AGPS: variants seen among roughly 807,000 people sequenced by gnomAD.
AGPS encodes alkyldihydroxyacetonephosphate synthase, peroxisomal.
A neutral mutation model predicts 90.7 loss-of-function variants in AGPS; 26 were observed. The ratio of observed to expected loss-of-function variants is 0.29; its 90% CI spans 0.21 to 0.40. The LOEUF is 0.40. AGPS is among the 10% of genes least tolerant of loss of function. The pLI, the probability that AGPS is intolerant of heterozygous loss-of-function variation, is 1.00. For missense variants in AGPS, 540 were observed against 816.1 expected, an observed-to-expected ratio of 0.66 and a Z score of 4.12; for synonymous variants, 294 against 285.3, an observed-to-expected ratio of 1.03 and a Z score of -0.31.
intron 17 of AGPS, 88 bp from the exon 18 acceptor site, chr2:177,521,180 AT>A: frequency 1.8e-6 from 2 of 1,093,724 alleles, no homozygotes. Flanking sequence ...TAAACTAATC[AT>A]TTGGGTCGTC....
intron 12 of AGPS, among the ~76,000 whole-genome samples, chr2:177,495,464 A>G (rs1574009527): frequency 6.6e-6 from 1 of 152,240 alleles, no homozygotes; most frequent in African/African-American, 2.4e-5. Flanking sequence ...TACAAAGCCC[A>G]GGAGTTTTTG....
chr2:177,507,568 G>A (rs1235346131), intron 15 of AGPS, among the ~76,000 whole-genome samples: 2 of 152,048 alleles, frequency 1.3e-5, no homozygotes, highest in South Asian at 2.1e-4. Context: ...CTCACTTCTT[G>A]ATCTTCCTAC....
In AGPS at chr2:177,393,452, C is replaced by A. The variant is rs112489893; in HGVS notation, c.260+403C>A. 1,545 of 985,302 alleles carry A rather than the reference C, an allele frequency of 1.6e-3. 19 individuals are homozygous for A. In the African/African-American group the frequency reaches 0.02, roughly 13 times the overall value. 61.0% of individuals were successfully genotyped at this position (985,302 alleles called of 1,614,324 possible). A position where few individuals can be genotyped will look rare whatever the true frequency, so the allele number is the denominator to read the frequency against. ...TATAAATTTGTACTAGATGATAGAT[C>A]ATAGGAATCTCTCTCATTCGCGAAA... On this transcript the variant is annotated intron_variant, in intron 1 of 19. Transcript: ENST00000264167.
At chr2:177,396,211 A>G (rs1277594284) in intron 1 of AGPS, among the ~76,000 whole-genome samples, 1 of 152,248 alleles carries the variant, frequency 6.6e-6, no homozygotes, top group Non-Finnish European at 1.5e-5. Flanking sequence ...GAAAGTGCAT[A>G]TCGTATTTAC....
chr2:177,443,650 G>A (rs1686680260), intron 7 of AGPS, among the ~76,000 whole-genome samples: 1 of 152,194 alleles, frequency 6.6e-6, no homozygotes, highest in Non-Finnish European at 1.5e-5. Flanking sequence ...CTCACTTTTA[G>A]TGATGCTAAA....
intron 1 of AGPS, among the ~76,000 whole-genome samples, chr2:177,415,367 T>A (rs1405609369): frequency 6.6e-6 from 1 of 152,222 alleles, no homozygotes; most frequent in Non-Finnish European, 1.5e-5. Flanking sequence ...TACTACATGA[T>A]TGCTCTGTGG....
intron 14 of AGPS, among the ~76,000 whole-genome samples, chr2:177,502,557 C>T (rs1286064770): frequency 3.3e-5 from 5 of 151,732 alleles, no homozygotes. Flanking sequence ...GCTGGGACTA[C>T]AGGTGCACGT....
At chr2:177,420,008 C>T (rs761270645) in intron 1 of AGPS, among the ~76,000 whole-genome samples, 8 of 151,718 alleles carry the variant, frequency 5.3e-5, no homozygotes, top group African/African-American at 1.4e-4. Flanking sequence ...TTCCTTTTTG[C>T]AACTTTTTAT....
chr2:177,450,416 G>A (rs1245393748), intron 8 of AGPS, among the ~76,000 whole-genome samples: 1 of 152,012 alleles, frequency 6.6e-6, no homozygotes, highest in African/African-American at 2.4e-5. Flanking sequence ...ATAATTTTTA[G>A]TCTTAGATTT....
At chr2:177,421,643 G>A (rs575185930) in intron 2 of AGPS, among the ~76,000 whole-genome samples, 42 of 152,160 alleles carry the variant, frequency 2.8e-4, no homozygotes, top group Admixed American at 5.9e-4. Context: ...GAGAAATTGT[G>A]TAATTCAGGT....
intron 15 of AGPS, 136 bp from the exon 16 acceptor site, chr2:177,507,834 T>A (rs1002935776): frequency 4.2e-6 from 3 of 715,068 alleles, no homozygotes; most frequent in East Asian, 5.5e-5. Context: ...AGTGCTCTTA[T>A]GAGGTGGATA....
intron 8 of AGPS, among the ~76,000 whole-genome samples, chr2:177,453,690 AT>A (rs11401105): frequency 4.5e-4 from 41 of 90,514 alleles, no homozygotes; most frequent in Admixed American, 3.1e-3. Context: ...ATCAGTAGTA[AT>A]TTTTTTTTTT....
intron 9 of AGPS, among the ~76,000 whole-genome samples, chr2:177,462,439 C>CAT (rs1410328503): frequency 5.3e-5 from 8 of 151,488 alleles, no homozygotes; most frequent in Non-Finnish European, 8.8e-5. Flanking sequence ...GTAGATTCCC[C>CAT]CCTCCCATAA....
At chr2:177,447,032 G>A (rs1405355668) in intron 8 of AGPS, among the ~76,000 whole-genome samples, 3 of 152,074 alleles carry the variant, frequency 2.0e-5, no homozygotes, top group Non-Finnish European at 4.4e-5. Flanking sequence ...TCAAGATAAC[G>A]ATAACTCAGC....
chr2:177,500,846 A>G (rs1367468397), intron 14 of AGPS, among the ~76,000 whole-genome samples: 1 of 152,184 alleles, frequency 6.6e-6, no homozygotes, highest in Admixed American at 6.5e-5. Context: ...TAATTGTGCT[A>G]TAAAATCCAT....
chr2:177,532,400 G>A (rs931618079), intron 19 of AGPS, among the ~76,000 whole-genome samples: 2 of 152,074 alleles, frequency 1.3e-5, no homozygotes, highest in Non-Finnish European at 2.9e-5. Context: ...GAAAATTAAA[G>A]CCACAGGAGA....
intron 14 of AGPS, among the ~76,000 whole-genome samples, chr2:177,502,601 G>A (rs1249705598): frequency 2.0e-5 from 3 of 151,468 alleles, no homozygotes; most frequent in Non-Finnish European, 2.9e-5. Context: ...GTGTATGTGT[G>A]TGTGTGTTTT....
At chr2:177,404,024 T>C (rs1685401257) in intron 1 of AGPS, among the ~76,000 whole-genome samples, 1 of 152,174 alleles carries the variant, frequency 6.6e-6, no homozygotes, top group Non-Finnish European at 1.5e-5. Flanking sequence ...TCATTGGGCG[T>C]GGACAGAAAT....
chr2:177,452,125 C>T (rs1686970116), intron 8 of AGPS, among the ~76,000 whole-genome samples: 1 of 152,064 alleles, frequency 6.6e-6, no homozygotes, highest in South Asian at 2.1e-4. Flanking sequence ...TTAAAATGTT[C>T]CATGTGCACT....
Sources: gnomAD v4.1 joint callset for allele counts (sites outside exome capture counted in the v4.1 genomes callset) on GRCh38, gnomAD v4.1.1 for gene constraint, MANE v1.5 for transcripts, NCBI Gene and HGNC (gene_info 2026-07-23, HGNC 2026-07-21) for gene names.